PLAG1: variants seen among roughly 807,000 people sequenced by gnomAD.
The protein encoded by PLAG1 is PLAG1 zinc finger, also known as zinc finger protein PLAG1.
A neutral mutation model predicts 35.5 loss-of-function variants in PLAG1; 7 were observed. The observed-to-expected ratio is 0.20, with a 90% CI of 0.11 to 0.37. The LOEUF (loss-of-function observed/expected upper bound fraction) is 0.37, where lower values mean the gene tolerates loss of function less well. PLAG1 is among the 10% of genes least tolerant of loss of function. The pLI, the probability that PLAG1 is intolerant of heterozygous loss-of-function variation, is 1.00. For synonymous variants in PLAG1, 229 were observed against 225.4 expected, an observed-to-expected ratio of 1.02 and a Z score of -0.14; for missense variants, 454 against 602.8, an observed-to-expected ratio of 0.75 and a Z score of 2.58.
At chr8:56,186,873 C>T (rs1411384050) in intron 1 of PLAG1, among the ~76,000 whole-genome samples, 2 of 152,040 alleles carry the variant, frequency 1.3e-5, no homozygotes, top group South Asian at 2.1e-4. Context: ...TGCTCTACCA[C>T]GCCTGGCTAA....
Position 56,166,570 on chromosome 8 carries a change from A to G in PLAG1, c.1176T>C (p.Asp392=). 6.2e-7 allele frequency: 1 copy of G among 1,613,958 alleles called. No homozygotes were observed. The highest frequency in any genetic ancestry group is 8.5e-7 in the Non-Finnish European group (1 of 1,179,898). ...ATAGGGAGAGGTCTCCTGCACCATC[A>G]TCTAGGGACCCAATCTGAGGATCCA... ...LGLDPQIGSL[D]DGAGDLSLSK... The change falls in exon 5 of 5, where the codon GAT becomes GAC. Residue 392 remains aspartate (D), a synonymous_variant. Transcript: ENST00000316981.
chr8:56,172,220 T>G (rs1429849428), intron 2 of PLAG1, among the ~76,000 whole-genome samples: 2 of 152,226 alleles, frequency 1.3e-5, no homozygotes, highest in African/African-American at 4.8e-5. Flanking sequence ...AATTTGATGA[T>G]GTCTAAATAA....
At position 56,163,209 on chromosome 8, in the gene PLAG1, C is replaced by T. The variant is rs1211926261; in HGVS notation, c.*3034G>A. 1.8e-5 allele frequency: 3 copies of T among 168,634 alleles called. No individual in the cohort carries two copies. The highest frequency in any genetic ancestry group is 1.4e-4 in the Admixed American group (2 of 14,204). The allele number at this position is 168,634 out of a possible 1,614,324, so 10.4% of individuals were successfully genotyped here. ...AAACTACTTTTATTTAATGTTAATC[C>T]CTTTTTTTTTTTTTTTTTTTTTTTT... On this transcript the variant is annotated 3_prime_UTR_variant, in exon 5 of 5. Coordinates refer to ENST00000316981, the MANE Select transcript of PLAG1 (RefSeq NM_002655.3).
intron 1 of PLAG1, among the ~76,000 whole-genome samples, chr8:56,199,964 T>C (rs1812502114): frequency 6.6e-6 from 1 of 152,186 alleles, no homozygotes; most frequent in South Asian, 2.1e-4. Context: ...GCTCTGAACC[T>C]CAGTGGGTAC....
At chr8:56,168,867 C>T (rs943177742) in intron 3 of PLAG1, among the ~76,000 whole-genome samples, 2 of 152,162 alleles carry the variant, frequency 1.3e-5, no homozygotes, top group Non-Finnish European at 2.9e-5. Context: ...CTTTTAGGCA[C>T]CTTGTGAACC....
At chr8:56,203,479 T>C (rs1812615848) in intron 1 of PLAG1, among the ~76,000 whole-genome samples, 1 of 152,078 alleles carries the variant, frequency 6.6e-6, no homozygotes, top group Non-Finnish European at 1.5e-5. Context: ...AAAAATAAAC[T>C]GAGCAAATTA....
In PLAG1 at chr8:56,163,680, T is replaced by TACAC. The variant is rs968652365; in HGVS notation, c.*2559_*2562dup. ...AAGTATGTGTGTGTGTGTGTATATA[T>TACAC]ACACACACACACACACACATACACA... On this transcript the variant is annotated 3_prime_UTR_variant, in exon 5 of 5. Coordinates refer to ENST00000316981, the MANE Select transcript of PLAG1 (RefSeq NM_002655.3). The TACAC allele has an allele frequency of 1.5e-4, 28 of 182,378 alleles. No individual in the cohort carries two copies. The highest frequency in any genetic ancestry group is 1.2e-3 in the South Asian group (6 of 5,016). 11.3% of individuals were successfully genotyped at this position (182,378 alleles called of 1,614,324 possible). A position where few individuals can be genotyped will look rare whatever the true frequency, so the allele number is the denominator to read the frequency against.
intron 1 of PLAG1, among the ~76,000 whole-genome samples, chr8:56,204,615 T>A (rs1430604443): frequency 1.3e-5 from 2 of 151,792 alleles, no homozygotes; most frequent in African/African-American, 2.4e-5. Context: ...TAACCACTGG[T>A]TAAAGAGAGA....
At chr8:56,195,764 G>A (rs1008932343) in intron 1 of PLAG1, among the ~76,000 whole-genome samples, 2 of 152,170 alleles carry the variant, frequency 1.3e-5, no homozygotes, top group East Asian at 3.9e-4. Context: ...CTTCGTGTGG[G>A]AGAACAGGTG....
In PLAG1 at chr8:56,192,394, G is replaced by A. The variant is rs185933445; in HGVS notation, c.-321-12881C>T. ...AACTACCTACTCGCCAACAACTAGG[G>A]AAGGCTAAATAAACTGTGGTCATTC... On this transcript the variant is annotated intron_variant, in intron 1 of 4. Transcript: ENST00000316981. Among the ~76,000 whole-genome samples the A allele has an allele frequency of 3.3e-4, 50 of 152,330 alleles. 1 individual carries two copies. The South Asian group carries it at 8.1e-3, about 25-fold the overall frequency.
At position 56,161,767 on chromosome 8, in the gene PLAG1, G is replaced by A; in HGVS notation, c.*4476C>T. ...ACTGAATGAGACAGAGAAGTTTGTA[G>A]CACCATGAAGAGTTGTAGCCCAAGT... On this transcript the variant is annotated 3_prime_UTR_variant, in exon 5 of 5. Transcript: ENST00000316981. 4.3e-6 allele frequency: 1 copy of A among 229,970 alleles called. No homozygotes were observed. The highest frequency in any genetic ancestry group is 8.6e-6 in the Non-Finnish European group (1 of 115,670). 14.2% of individuals were successfully genotyped at this position (229,970 alleles called of 1,614,324 possible). A position where few individuals can be genotyped will look rare whatever the true frequency, so the allele number is the denominator to read the frequency against.
rs1330048488 is a variant in PLAG1, at chr8:56,164,581, T to C, written c.*1662A>G. ...CTTTCTGTTTTTTTTTAAAGAGATA[T>C]ATACTCTTCTAAAAACCTCCCACCC... On this transcript the variant is annotated 3_prime_UTR_variant, in exon 5 of 5. Transcript: ENST00000316981. The C allele has an allele frequency of 2.2e-5, 5 of 223,186 alleles. No homozygotes were observed. Among genetic ancestry groups the C allele is most frequent in the African/African-American group, 8.9e-5 (4 of 44,706 alleles). The allele number at this position is 223,186 out of a possible 1,614,324, so 13.8% of individuals were successfully genotyped here.
At position 56,194,834 on chromosome 8, in the gene PLAG1, T is replaced by C. The variant is rs575281889; in HGVS notation, c.-321-15321A>G. ...GTGAAGACTCTGAACCGTTTTGGTCTGGAGAATCTTGAACACCTCCTCTGG... is the reference window on the plus strand; with the variant it reads ...GTGAAGACTCTGAACCGTTTTGGTCCGGAGAATCTTGAACACCTCCTCTGG... On this transcript the variant is annotated intron_variant, in intron 1 of 4. Coordinates refer to ENST00000316981, the MANE Select transcript of PLAG1 (RefSeq NM_002655.3). 2.0e-5 allele frequency among the ~76,000 whole-genome samples: 3 copies of C among 152,262 alleles called. No individual in the cohort carries two copies. The East Asian group carries it at 5.8e-4, about 29-fold the overall frequency.
chr8:56,189,369 T>C (rs1015101517), intron 1 of PLAG1, among the ~76,000 whole-genome samples: 7 of 152,214 alleles, frequency 4.6e-5, no homozygotes, highest in Non-Finnish European at 8.8e-5. Context: ...CAGTCACTGT[T>C]GCCATCTTGT....
intron 1 of PLAG1, among the ~76,000 whole-genome samples, chr8:56,190,256 A>G (rs941096768): frequency 6.6e-6 from 1 of 152,204 alleles, no homozygotes; most frequent in African/African-American, 2.4e-5. Flanking sequence ...AGACCATGGC[A>G]CTGCAAGGTG....
chr8:56,208,623 AAAT>A (rs948489026), intron 1 of PLAG1, among the ~76,000 whole-genome samples: 3 of 152,202 alleles, frequency 2.0e-5, no homozygotes, highest in Non-Finnish European at 4.4e-5. Context: ...CCATGTCTAT[AAAT>A]AATAAAAACA....
At chr8:56,187,013 G>A (rs376735159) in intron 1 of PLAG1, among the ~76,000 whole-genome samples, 12 of 152,308 alleles carry the variant, frequency 7.9e-5, no homozygotes, top group East Asian at 3.9e-4. Context: ...ACTGTGCCTG[G>A]CCTGACCTTC....
At chr8:56,197,154 C>T (rs1427509788) in intron 1 of PLAG1, among the ~76,000 whole-genome samples, 1 of 152,174 alleles carries the variant, frequency 6.6e-6, no homozygotes, top group Admixed American at 6.5e-5. Context: ...CTCTCTCCCA[C>T]CTCTGCATGC....
intron 2 of PLAG1, among the ~76,000 whole-genome samples, chr8:56,176,332 C>T (rs951622324): frequency 5.5e-5 from 8 of 146,254 alleles, no homozygotes; most frequent in Non-Finnish European, 1.0e-4. Flanking sequence ...GGATTACAGG[C>T]GTGAGCCACC....
Sources: gnomAD v4.1 joint callset for allele counts (sites outside exome capture counted in the v4.1 genomes callset) on GRCh38, gnomAD v4.1.1 for gene constraint, MANE v1.5 for transcripts, NCBI Gene and HGNC (gene_info 2026-07-23, HGNC 2026-07-21) for gene names.